The following RAP1GAP2 variants were observed in gnomAD, a reference collection of about 807,000 sequenced individuals.
RAP1GAP2 encodes RAP1 GTPase activating protein 2.
RAP1GAP2 carries 27 observed loss-of-function variants against 95.0 expected under a neutral mutation model. The observed-to-expected ratio is 0.28, with a 90% CI of 0.21 to 0.39. The LOEUF is 0.39. Ranked by LOEUF, RAP1GAP2 falls within the 10% of genes least tolerant of loss-of-function variation. The pLI is 1.00. For synonymous variants in RAP1GAP2, 373 were observed against 380.9 expected, an observed-to-expected ratio of 0.98 and a Z score of 0.24; for missense variants, 771 against 970.0, an observed-to-expected ratio of 0.79 and a Z score of 2.72.
In RAP1GAP2 at chr17:2,829,817, A is replaced by ATTTT. The variant is rs34423747; in HGVS notation, c.80+29282_80+29285dup. Among the ~76,000 whole-genome samples the ATTTT allele has an allele frequency of 4.6e-3, 598 of 130,958 alleles. 16 individuals are homozygous for ATTTT. Among genetic ancestry groups the ATTTT allele is most frequent in the African/African-American group, 0.017 (573 of 34,098 alleles). 85.9% of individuals were successfully genotyped at this position (130,958 alleles called of 152,430 possible). On this transcript the variant is annotated intron_variant, in intron 2 of 24. Coordinates refer to ENST00000254695, the MANE Select transcript of RAP1GAP2 (RefSeq NM_015085.5). ...TAAGAGCCTGGTCTCTCTCTCTTAA[A>ATTTT]TTTTTTTTTTTTTTTTTTGAGATGA...
intron 3 of RAP1GAP2, among the ~76,000 whole-genome samples, chr17:2,951,895 T>A (rs8074647): frequency 0.9 from 137,097 of 151,960 alleles, 63,116 homozygotes; most frequent in Non-Finnish European, 1. Context: ...TTAACTGGGT[T>A]TGGTGGTGGG....
rs964422570 is a variant in RAP1GAP2 at position 3,004,892 on chromosome 17, C to T, written c.1201-477C>T. ...TGAGGAGTCAGGCTTGGGAAGAGAA[C>T]CCCAGAGACGGGTCGGGAGAGGTCT... is the stretch of plus-strand genomic sequence containing the variant. On this transcript the variant is annotated intron_variant, in intron 14 of 24. Transcript: ENST00000254695. This position sits in a 1 kb window ranked among gnomAD's most constrained non-coding sequence, Gnocchi z 4.1. Among the ~76,000 whole-genome samples, 8 of 152,188 alleles carry T rather than the reference C, an allele frequency of 5.3e-5. No homozygotes were observed. The highest frequency in any genetic ancestry group is 1.9e-4 in the African/African-American group (8 of 41,442).
chr17:2,791,731 G>A (rs2068929360), upstream of RAP1GAP2, among the ~76,000 whole-genome samples: 1 of 152,150 alleles, frequency 6.6e-6, no homozygotes. Flanking sequence ...GCTCTCTTGT[G>A]CCCGCAGCTC....
exon 1 of RAP1GAP2, chr17:2,755,734 C>T (rs1313533929): frequency 1.5e-5 from 5 of 343,810 alleles, no homozygotes; most frequent in African/African-American, 4.3e-5. Context: ...GGCCGCCGGG[C>T]GCCGGGGGAG....
At chr17:2,852,945 G>A (rs1038592854) in intron 2 of RAP1GAP2, among the ~76,000 whole-genome samples, 5 of 152,236 alleles carry the variant, frequency 3.3e-5, no homozygotes, top group Non-Finnish European at 7.3e-5. Flanking sequence ...GGCTGGCAGG[G>A]GCGGGAGGGA....
At position 3,029,995 on chromosome 17, in the gene RAP1GAP2, A is replaced by T. The variant is rs1215711122; in HGVS notation, c.2108-927A>T. 7.0e-6 allele frequency among the ~76,000 whole-genome samples: 1 copy of T among 142,230 alleles called. No individual in the cohort carries two copies. The highest frequency in any genetic ancestry group is 2.7e-5 in the African/African-American group (1 of 37,702). The allele number at this position is 142,230 out of a possible 152,430, so 93.3% of individuals were successfully genotyped here. ...ATGAATGTGTGTAATTCTGACATGA[A>T]TGTGGACTGATATTACCATGTTTGT... On this transcript the variant is annotated intron_variant, in intron 22 of 24. Coordinates refer to ENST00000254695, the MANE Select transcript of RAP1GAP2 (RefSeq NM_015085.5). This position sits in a 1 kb window ranked among gnomAD's most constrained non-coding sequence, Gnocchi z 4.4.
chr17:3,010,019 T>A (rs1476564796), intron 17 of RAP1GAP2, among the ~76,000 whole-genome samples: 1 of 152,040 alleles, frequency 6.6e-6, no homozygotes, highest in Non-Finnish European at 1.5e-5. Context: ...ACATTCTGCA[T>A]CCCTCAGTAA....
chr17:2,985,279 GT>G (rs34922391), intron 11 of RAP1GAP2, among the ~76,000 whole-genome samples: 67,423 of 113,996 alleles, frequency 0.59, 16,009 homozygotes, highest in African/African-American at 0.7. Flanking sequence ...AAACAGTGAT[GT>G]TTTTTTTTTT....
intron 3 of RAP1GAP2, among the ~76,000 whole-genome samples, chr17:2,926,565 C>T (rs939609832): frequency 2.0e-5 from 3 of 152,172 alleles, no homozygotes; most frequent in South Asian, 4.1e-4. Context: ...CCAGCTTGTA[C>T]TTGAACCTGT....
chr17:3,018,249 C>T lies in RAP1GAP2; in HGVS notation c.1632+51C>T, dbSNP rs374669627. 3.7e-4 allele frequency: 559 copies of T among 1,519,598 alleles called. 2 individuals carry two copies. Among genetic ancestry groups the T allele is most frequent in the East Asian group, 3.5e-3 (139 of 39,422 alleles). 94.1% of individuals were successfully genotyped at this position (1,519,598 alleles called of 1,614,324 possible). ...GCAAGTGGGTCCCAGGGAGGCCCCCCCCAGACCTATGGAGGAAGAGTGCCC... is the reference window on the plus strand; with the variant it reads ...GCAAGTGGGTCCCAGGGAGGCCCCCTCCAGACCTATGGAGGAAGAGTGCCC... On this transcript the variant is annotated intron_variant, in intron 18 of 24. Transcript: ENST00000254695.
chr17:2,855,145 T>C lies in RAP1GAP2; in HGVS notation c.81-50139T>C, dbSNP rs1480981503. On this transcript the variant is annotated intron_variant, in intron 2 of 24. Transcript: ENST00000254695. The surrounding 1 kb of genome is among the most constrained non-coding windows in gnomAD (Gnocchi z 4.3). ...TTGAGAAGCTGGCATGGATTGCCCTTGTGGTGGGTTGTCCCCCATTCCTCT... is the reference window on the plus strand; with the variant it reads ...TTGAGAAGCTGGCATGGATTGCCCTCGTGGTGGGTTGTCCCCCATTCCTCT... Among the ~76,000 whole-genome samples, 1 of 152,148 alleles carries C rather than the reference T, an allele frequency of 6.6e-6. No individual in the cohort carries two copies. The highest frequency in any genetic ancestry group is 2.4e-5 in the African/African-American group (1 of 41,430).
chr17:2,818,413 C>T (rs1461422309), intron 2 of RAP1GAP2, among the ~76,000 whole-genome samples: 1 of 151,218 alleles, frequency 6.6e-6, no homozygotes, highest in Non-Finnish European at 1.5e-5. Context: ...CAACCTCCGC[C>T]TCCCGGTTCA....
intron 4 of RAP1GAP2, among the ~76,000 whole-genome samples, chr17:2,960,557 T>C (rs958327239): frequency 1.3e-5 from 2 of 152,096 alleles, no homozygotes; most frequent in Non-Finnish European, 2.9e-5. Context: ...GTCCACAGAG[T>C]GTGGGGTACG....
At position 2,912,127 on chromosome 17, in the gene RAP1GAP2, C is replaced by T. The variant is rs112824983; in HGVS notation, c.165+6759C>T. Among the ~76,000 whole-genome samples the T allele has an allele frequency of 5.8e-3, 886 of 152,344 alleles. 6 individuals are homozygous for T. Among genetic ancestry groups the T allele is most frequent in the South Asian group, 0.014 (66 of 4,826 alleles). On this transcript the variant is annotated intron_variant, in intron 3 of 24. Transcript: ENST00000254695. Reference sequence around the variant, plus strand: ...CTCCACGGCCAGGGAATGCCCCCACCGCCTCTATGGTAGGTAAGGCAGGTG... The same window carrying T: ...CTCCACGGCCAGGGAATGCCCCCACTGCCTCTATGGTAGGTAAGGCAGGTG...
intron 2 of RAP1GAP2, among the ~76,000 whole-genome samples, chr17:2,804,463 G>A (rs769070855): frequency 9.2e-5 from 14 of 152,338 alleles, no homozygotes; most frequent in Non-Finnish European, 1.9e-4. Context: ...ATTTGAATCT[G>A]GGTCTGTGTT....
At chr17:2,774,717 C>G (rs745691893), upstream of RAP1GAP2, among the ~76,000 whole-genome samples, 78 of 151,938 alleles carry the variant, frequency 5.1e-4, no homozygotes, top group Non-Finnish European at 8.1e-4. Context: ...GTGATCCACC[C>G]ACCTTGGCCT....
At chr17:3,023,108 T>A (rs1000046494) in intron 19 of RAP1GAP2, among the ~76,000 whole-genome samples, 1 of 152,230 alleles carries the variant, frequency 6.6e-6, no homozygotes, top group Non-Finnish European at 1.5e-5. Flanking sequence ...CTGGAACAAA[T>A]CCCATGGTGA....
chr17:2,998,353 G>A lies in RAP1GAP2; in HGVS notation c.1177G>A (p.Gly393Ser), dbSNP rs2046038091. ...CATCGTCGTGCAGGTCGAGACCCCA[G>A]GCACAGAGACCCCATCCTACAAGGT... ...AYIVVQVETP[G>S]TETPSYKVSV... Residue 393 changes from glycine to serine, a missense_variant, in exon 14 of 25, where the codon GGC (glycine) becomes AGC (serine). Gly to Ser is a moderately conservative substitution (Grantham distance 56). Transcript: ENST00000254695. The A allele has an allele frequency of 1.2e-6, 2 of 1,613,874 alleles. No homozygotes were observed. Among genetic ancestry groups the A allele is most frequent in the East Asian group, 4.5e-5 (2 of 44,892 alleles).
chr17:2,786,055 C>G (rs35539899), intron 1 of RAP1GAP2, among the ~76,000 whole-genome samples: 24,594 of 152,010 alleles, frequency 0.16, 2,172 homozygotes, highest in South Asian at 0.26. Context: ...GCATGTGCCA[C>G]CATGCCTGGC....
Sources: allele counts gnomAD v4.1 joint callset (sites outside exome capture counted in the v4.1 genomes callset), GRCh38; gene constraint gnomAD v4.1.1; non-coding constraint Gnocchi (gnomAD v3.1); transcripts MANE v1.5; gene names NCBI Gene and HGNC (gene_info 2026-07-23, HGNC 2026-07-21).